Variants in ANKS1B observed in about 807,000 individuals in gnomAD.
ANKS1B encodes the protein ankyrin repeat and sterile alpha motif domain-containing protein 1B.
In ANKS1B, 36 loss-of-function variants were observed where a neutral mutation model predicts 148.3. That is an observed-to-expected ratio of 0.24 (90% CI 0.19 to 0.32). ANKS1B has a LOEUF of 0.32. Among genes scored for constraint, ANKS1B ranks in the 10% least tolerant of loss-of-function variants. ANKS1B has a pLI of 1.00. For missense variants in ANKS1B, 1,157 were observed against 1,542.6 expected (o/e 0.75, Z 4.19); for synonymous variants, 542 against 560.8 (o/e 0.97, Z 0.47).
intron 17 of ANKS1B, among the ~76,000 whole-genome samples, chr12:98,885,962 A>G (rs1416310383): frequency 2.0e-5 from 3 of 152,166 alleles, no homozygotes. Flanking sequence ...AGATGAAAAG[A>G]AATAGCACGG....
chr12:99,019,930 A>G (rs1032558553), intron 17 of ANKS1B, among the ~76,000 whole-genome samples: 14 of 152,194 alleles, frequency 9.2e-5, no homozygotes, highest in African/African-American at 2.7e-4. Context: ...GTTTGTTACT[A>G]TGGGTCATAC....
At chr12:99,333,857 T>G (rs1001314219) in intron 12 of ANKS1B, among the ~76,000 whole-genome samples, 19 of 145,864 alleles carry the variant, frequency 1.3e-4, no homozygotes, top group East Asian at 7.8e-4. Flanking sequence ...GTTCTCAGTT[T>G]TTTTTTTTTT....
chr12:99,643,464 T>G (rs1460255845), intron 9 of ANKS1B, among the ~76,000 whole-genome samples: 1 of 152,200 alleles, frequency 6.6e-6, no homozygotes, highest in Non-Finnish European at 1.5e-5. Flanking sequence ...GAACTGCAAC[T>G]GGGCAAACTC....
intron 17 of ANKS1B, among the ~76,000 whole-genome samples, chr12:98,853,969 T>A (rs1330536043): frequency 6.6e-6 from 1 of 152,178 alleles, no homozygotes; most frequent in Non-Finnish European, 1.5e-5. Context: ...TTCATTATGA[T>A]CTGGGACCAG....
At chr12:99,410,340 T>TAA (rs35507299) in intron 11 of ANKS1B, among the ~76,000 whole-genome samples, 140 of 147,604 alleles carry the variant, frequency 9.5e-4, no homozygotes, top group Admixed American at 2.7e-3. Flanking sequence ...TGATCTTTTA[T>TAA]AAAAAAAAAA....
chr12:99,576,968 T>G (rs2097525472), intron 9 of ANKS1B, among the ~76,000 whole-genome samples: 1 of 151,916 alleles, frequency 6.6e-6, no homozygotes, highest in African/African-American at 2.4e-5. Context: ...GATGAAAGTT[T>G]ATAGCACTAG....
chr12:99,184,203 A>T (rs181943998), intron 14 of ANKS1B, among the ~76,000 whole-genome samples: 9 of 152,348 alleles, frequency 5.9e-5, no homozygotes, highest in Admixed American at 5.2e-4. Context: ...TTAGATTGCA[A>T]TTCCACAGAG....
chr12:99,382,711 AAAAAAAAG>A (rs2093690058), intron 12 of ANKS1B, among the ~76,000 whole-genome samples: 1 of 93,808 alleles, frequency 1.1e-5, no homozygotes, highest in Non-Finnish European at 2.1e-5. Flanking sequence ...AAAAAAAAAA[AAAAAAAAG>A]AGAGAGAGAG....
At position 98,959,722 on chromosome 12, in the gene ANKS1B, G is replaced by T. The variant is rs561043049; in HGVS notation, c.2778+93435C>A. Among the ~76,000 whole-genome samples, 3 of 152,234 alleles carry T rather than the reference G, an allele frequency of 2.0e-5. No individual in the cohort carries two copies. The East Asian group carries it at 5.8e-4, about 29-fold the overall frequency. Reference sequence around the variant, plus strand: ...GCCTAGCTCTTAGATGGCATTTCTGGACTTGCCCTGGGCCAGAACGGAGCC... The same window carrying T: ...GCCTAGCTCTTAGATGGCATTTCTGTACTTGCCCTGGGCCAGAACGGAGCC... On this transcript the variant is annotated intron_variant, in intron 17 of 26. Transcript: ENST00000683438.
At chr12:99,216,023 G>T (rs2084116076) in intron 14 of ANKS1B, among the ~76,000 whole-genome samples, 1 of 152,156 alleles carries the variant, frequency 6.6e-6, no homozygotes, top group Non-Finnish European at 1.5e-5. Flanking sequence ...CTGGAGGGAG[G>T]TAATTGAATC....
chr12:99,065,899 A>T (rs1285158187), intron 16 of ANKS1B, among the ~76,000 whole-genome samples: 1 of 152,210 alleles, frequency 6.6e-6, no homozygotes, highest in Non-Finnish European at 1.5e-5. Flanking sequence ...GCTGTGAAAA[A>T]AGAGAAAGTG....
intron 12 of ANKS1B, among the ~76,000 whole-genome samples, chr12:99,278,241 G>C (rs2077937834): frequency 6.6e-6 from 1 of 152,110 alleles, no homozygotes; most frequent in African/African-American, 2.4e-5. Context: ...CCTGGCCCAG[G>C]GGAAACTTTC....
In ANKS1B at chr12:99,928,820, T is replaced by C. The variant is rs12311563; in HGVS notation, c.134+55284A>G. On this transcript the variant is annotated intron_variant, in intron 1 of 26. Coordinates refer to ENST00000683438, the MANE Select transcript of ANKS1B (RefSeq NM_001352186.2). ...ATCGTAACTCCAGGTGACTTTTCTT[T>C]TTCACTCTTACTAATTTTACCAACT... Among the ~76,000 whole-genome samples, 498 of 152,296 alleles carry C rather than the reference T, an allele frequency of 3.3e-3. 5 individuals are homozygous for C. Among genetic ancestry groups the C allele is most frequent in the African/African-American group, 0.011 (466 of 41,562 alleles).
intron 1 of ANKS1B, among the ~76,000 whole-genome samples, chr12:99,925,879 T>C (rs1344664640): frequency 6.6e-6 from 1 of 152,238 alleles, no homozygotes; most frequent in Non-Finnish European, 1.5e-5. Context: ...ACTGAAACAT[T>C]ACCCATCTAA....
intron 17 of ANKS1B, among the ~76,000 whole-genome samples, chr12:98,939,889 C>A (rs185334300): frequency 6.6e-6 from 1 of 152,204 alleles, no homozygotes; most frequent in African/African-American, 2.4e-5. Flanking sequence ...GTACTACTGA[C>A]TTTTTCTCAC....
At chr12:98,969,981 C>T (rs902538490) in intron 17 of ANKS1B, among the ~76,000 whole-genome samples, 3 of 152,076 alleles carry the variant, frequency 2.0e-5, no homozygotes, top group African/African-American at 7.2e-5. Flanking sequence ...GTGTTCAGAC[C>T]ATCTAATCTT....
In ANKS1B at chr12:98,829,710, G is replaced by GAGAA. The variant is rs2099279127; in HGVS notation, c.2887-358_2887-357insTTCT. Among the ~76,000 whole-genome samples, 2 of 152,176 alleles carry GAGAA rather than the reference G, an allele frequency of 1.3e-5. No individual in the cohort carries two copies. The highest frequency in any genetic ancestry group is 2.9e-5 in the Non-Finnish European group (2 of 68,036). On this transcript the variant is annotated intron_variant, in intron 18 of 26. Coordinates refer to ENST00000683438, the MANE Select transcript of ANKS1B (RefSeq NM_001352186.2). This position sits in a 1 kb window ranked among gnomAD's most constrained non-coding sequence, Gnocchi z 5.2. ...ATGTGGGCAGAGCGTCCTCACCATG[G>GAGAA]TAGATGCCATGATGAGAAAGCTAAA...
chr12:98,921,538 G>A (rs2099801458), intron 17 of ANKS1B, among the ~76,000 whole-genome samples: 1 of 152,118 alleles, frequency 6.6e-6, no homozygotes, highest in African/African-American at 2.4e-5. Flanking sequence ...TTATTGCCAT[G>A]TTCTAATAAG....
chr12:99,525,502 A>T (rs1448367161), intron 9 of ANKS1B, among the ~76,000 whole-genome samples: 4 of 152,208 alleles, frequency 2.6e-5, no homozygotes, highest in Non-Finnish European at 4.4e-5. Context: ...GTTCTGGTAC[A>T]ATAATTGAAA....
Sources: allele counts gnomAD v4.1 joint callset (sites outside exome capture counted in the v4.1 genomes callset), GRCh38; gene constraint gnomAD v4.1.1; non-coding constraint Gnocchi (gnomAD v3.1); transcripts MANE v1.5; gene names NCBI Gene and HGNC (gene_info 2026-07-23, HGNC 2026-07-21).